ARHGAP17: variants seen among roughly 807,000 people sequenced by gnomAD.
ARHGAP17 encodes the protein rho GTPase-activating protein 17.
Under a neutral mutation model 99.5 loss-of-function variants are expected in ARHGAP17, and 57 were observed. The ratio of observed to expected loss-of-function variants is 0.57; its 90% CI spans 0.46 to 0.71. The LOEUF is 0.71. Among genes scored for constraint, ARHGAP17 ranks in the 30% least tolerant of loss-of-function variants. ARHGAP17 has a pLI of 0.00. For synonymous variants in ARHGAP17, 417 were observed against 429.6 expected (o/e 0.97, Z 0.36); for missense variants, 1,000 against 1,122.4 (o/e 0.89, Z 1.56).
chr16:24,980,601 T>C (rs1393616103), intron 1 of ARHGAP17, among the ~76,000 whole-genome samples: 1 of 152,122 alleles, frequency 6.6e-6, no homozygotes, highest in African/African-American at 2.4e-5. Context: ...CAGGTAGTCA[T>C]ACCAGTTAGG....
intron 14 of ARHGAP17, among the ~76,000 whole-genome samples, chr16:24,945,627 C>T (rs2051448814): frequency 6.6e-6 from 1 of 152,170 alleles, no homozygotes; most frequent in South Asian, 2.1e-4. Flanking sequence ...AGTATTTTCA[C>T]CCACTTTCCG....
At chr16:24,922,962 C>T (rs1006643501) in intron 19 of ARHGAP17, among the ~76,000 whole-genome samples, 1 of 152,184 alleles carries the variant, frequency 6.6e-6, no homozygotes, top group African/African-American at 2.4e-5. Flanking sequence ...CCAGCATGAG[C>T]CACCACACCC....
intron 1 of ARHGAP17, among the ~76,000 whole-genome samples, chr16:24,987,219 C>G (rs1280314653): frequency 2.6e-5 from 4 of 152,152 alleles, no homozygotes; most frequent in Non-Finnish European, 5.9e-5. Context: ...TGGCTGTGCC[C>G]CAATAAACCT....
At chr16:24,920,303 C>A in intron 19 of ARHGAP17, 43 bp from the exon 20 acceptor site, 6 of 1,609,256 alleles carry the variant, frequency 3.7e-6, no homozygotes, top group East Asian at 2.2e-5. Context: ...TGAGGGGTAA[C>A]CCCCGAGAGG....
rs542246759 is a variant in ARHGAP17 at position 24,991,762 on chromosome 16, C to T, written c.54-12757G>A. Among the ~76,000 whole-genome samples, 11 of 152,254 alleles carry T rather than the reference C, an allele frequency of 7.2e-5. No homozygotes were observed. The South Asian group carries it at 2.3e-3, about 32-fold the overall frequency. On this transcript the variant is annotated intron_variant, in intron 1 of 19. Transcript: ENST00000289968. ...TCACAGAGAAGCAAAAGCAAGTCTCCAAGTATAAACCATCCATCCGAGGAT... is the reference window on the plus strand; with the variant it reads ...TCACAGAGAAGCAAAAGCAAGTCTCTAAGTATAAACCATCCATCCGAGGAT...
chr16:24,920,979 G>A (rs1414566051), intron 19 of ARHGAP17: 1 of 152,210 alleles, frequency 6.6e-6, no homozygotes, highest in Non-Finnish European at 1.5e-5. Flanking sequence ...CCATTTTCAT[G>A]TCTTATTATG....
At chr16:24,970,466 A>G in intron 4 of ARHGAP17, 41 bp downstream of exon 4, 2 of 1,591,570 alleles carry the variant, frequency 1.3e-6, no homozygotes, top group South Asian at 2.2e-5. Flanking sequence ...ACTTCCACCA[A>G]TCTACATGGC....
Position 24,939,565 on chromosome 16 carries a change from T to C in ARHGAP17, c.1523A>G (p.His508Arg). 6.2e-7 allele frequency: 1 copy of C among 1,607,890 alleles called. No individual in the cohort carries two copies. Among genetic ancestry groups the C allele is most frequent in the Non-Finnish European group, 8.5e-7 (1 of 1,177,878 alleles). ...TCTATTTAGAGTGCCACCCCGCCGG[T>C]GGGCCTGGAAGTCCATAAGCTTCAC... ...FGVKLMDFQA[H>R]RRGGTLNRKH... The change falls in exon 17 of 20, where the codon CAC becomes CGC. Residue 508 changes from histidine to arginine, a missense_variant. His to Arg is a conservative substitution (Grantham distance 29). Transcript: ENST00000289968.
intron 1 of ARHGAP17, among the ~76,000 whole-genome samples, chr16:24,998,935 C>T (rs371633703): frequency 1.3e-5 from 2 of 152,106 alleles, no homozygotes; most frequent in African/African-American, 4.8e-5. Context: ...GAGGAGAGAC[C>T]GCGGGCAGAG....
Position 24,942,016 on chromosome 16 carries a change from C to T in ARHGAP17, c.1461G>A (p.Val487=). 6.2e-7 allele frequency: 1 copy of T among 1,614,078 alleles called. No homozygotes were observed. The highest frequency in any genetic ancestry group is 8.5e-7 in the Non-Finnish European group (1 of 1,179,958). Residue 487 remains valine, a synonymous_variant, in exon 16 of 20, where the codon GTG becomes GTA. Coordinates refer to ENST00000289968, the MANE Select transcript of ARHGAP17 (RefSeq NM_001006634.3). ...LERKRPASMA[V]MEGDLVKKES... is the part of the protein sequence containing the mutation. ...CCTTCTTCACCAAGTCTCCTTCCAT[C>T]ACCGCCATGCTAGCAGGCCGCTTCC...
intron 9 of ARHGAP17, among the ~76,000 whole-genome samples, chr16:24,959,191 C>T (rs138292223): frequency 0.02 from 3,109 of 152,250 alleles, 54 homozygotes; most frequent in Non-Finnish European, 0.032. Flanking sequence ...GAAGCGACCA[C>T]GGTCTTAGGA....
chr16:24,984,441 C>A (rs1294899518), intron 1 of ARHGAP17, among the ~76,000 whole-genome samples: 1 of 152,006 alleles, frequency 6.6e-6, no homozygotes, highest in African/African-American at 2.4e-5. Flanking sequence ...CCAAGGCAGG[C>A]GGATCACGAG....
chr16:24,924,071 G>C (rs1214374973), intron 19 of ARHGAP17, among the ~76,000 whole-genome samples: 2 of 152,158 alleles, frequency 1.3e-5, no homozygotes, highest in African/African-American at 2.4e-5. Flanking sequence ...TTGAAAGTAA[G>C]TGGTGCAGGC....
intron 18 of ARHGAP17, among the ~76,000 whole-genome samples, chr16:24,934,507 G>A (rs1210146014): frequency 6.6e-6 from 1 of 151,892 alleles, no homozygotes; most frequent in Non-Finnish European, 1.5e-5. Flanking sequence ...AGGCTGGAGT[G>A]CGGTGGTGCA....
At chr16:24,920,323 G>A in intron 19 of ARHGAP17, 63 bp from the exon 20 acceptor site, 5 of 1,591,542 alleles carry the variant, frequency 3.1e-6, no homozygotes, top group Non-Finnish European at 4.3e-6. Context: ...GCCACCTGAG[G>A]GTGCTCTGAG....
In ARHGAP17 at chr16:24,979,154, C is replaced by G. The variant is rs2052602297; in HGVS notation, c.54-149G>C. On this transcript the variant is annotated intron_variant, in intron 1 of 19. Coordinates refer to ENST00000289968, the MANE Select transcript of ARHGAP17 (RefSeq NM_001006634.3). The stretch of plus-strand genomic sequence containing the variant: ...AGGGGCAGTTTACCAATTTTTACAT[C>G]AGAGAGCAATTTAAGCAAAACCAAA... 3 of 595,196 alleles carry G rather than the reference C, an allele frequency of 5.0e-6. 1 individual carries two copies. The highest frequency in any genetic ancestry group is 8.7e-6 in the Non-Finnish European group (3 of 345,688). 36.9% of individuals were successfully genotyped at this position (595,196 alleles called of 1,614,324 possible).
In ARHGAP17 at chr16:24,930,857, T is replaced by G. The variant is rs771954263; in HGVS notation, c.2442A>C (p.Gln814His). 6.2e-7 allele frequency: 1 copy of G among 1,613,010 alleles called. No individual in the cohort carries two copies. Among genetic ancestry groups the G allele is most frequent in the South Asian group, 1.1e-5 (1 of 90,962 alleles). Residue 814 changes from glutamine (Q) to histidine (H), a missense_variant, in exon 19 of 20, where the codon CAA (glutamine) becomes CAC (histidine). By Grantham distance (24) the Gln-to-His change is conservative. Transcript: ENST00000289968. ...RNRPSVPPPP[Q>H]PPGVHSAGDS... ...CCCCAGCTGAGTGGACACCAGGAGG[T>G]TGGGGGGGTGGGGGCACGCTGGGCC...
intron 1 of ARHGAP17, among the ~76,000 whole-genome samples, chr16:25,005,891 A>G (rs913688982): frequency 1.3e-5 from 2 of 152,250 alleles, no homozygotes; most frequent in Non-Finnish European, 2.9e-5. Flanking sequence ...CACTTTCTGC[A>G]CTACAAACTA....
intron 4 of ARHGAP17, 144 bp downstream of exon 4, chr16:24,970,363 C>T: frequency 1.3e-6 from 1 of 781,490 alleles, no homozygotes; most frequent in South Asian, 1.6e-5. Context: ...CACTTTCTCC[C>T]AAGGAGTCTC....
Sources: allele counts gnomAD v4.1 joint callset (sites outside exome capture counted in the v4.1 genomes callset), GRCh38; gene constraint gnomAD v4.1.1; transcripts MANE v1.5; gene names NCBI Gene and HGNC (gene_info 2026-07-23, HGNC 2026-07-21).